The following EPM2A variants were observed in gnomAD, a reference collection of about 807,000 sequenced individuals.
EPM2A encodes the protein laforin.
EPM2A carries 21 observed loss-of-function variants against 26.5 expected under a neutral mutation model. That is an observed-to-expected ratio of 0.79 (90% CI 0.56 to 1.14). The LOEUF (loss-of-function observed/expected upper bound fraction) is 1.14, where lower values mean the gene tolerates loss of function less well. Among genes scored for constraint, EPM2A ranks in the 50% most tolerant of loss-of-function variants. The pLI is 0.00. For synonymous variants in EPM2A, 217 were observed against 177.6 expected, an observed-to-expected ratio of 1.22 and a Z score of -1.76; for missense variants, 458 against 440.8, an observed-to-expected ratio of 1.04 and a Z score of -0.35.
At chr6:145,554,679 G>T (rs1184968643) in intron 2 of EPM2A, among the ~76,000 whole-genome samples, 1 of 152,058 alleles carries the variant, frequency 6.6e-6, no homozygotes. Context: ...GCATCACAAG[G>T]TGAGAGAGGA....
chr6:145,542,472 C>T (rs1780526067), intron 2 of EPM2A, among the ~76,000 whole-genome samples: 1 of 152,320 alleles, frequency 6.6e-6, no homozygotes, highest in East Asian at 1.9e-4. Flanking sequence ...GCTTAAAAAA[C>T]ATATGCAGGT....
chr6:145,722,667 T>C (rs1259784138), intron 1 of EPM2A: 3 of 400,662 alleles, frequency 7.5e-6, no homozygotes, highest in Non-Finnish European at 1.5e-5. Flanking sequence ...AAAATTCATA[T>C]AAAAGTCCTA....
chr6:145,490,063 G>A lies in EPM2A; in HGVS notation c.555+12459C>T, dbSNP rs569063255. The stretch of plus-strand genomic sequence containing the variant: ...CAGTCACTTGTGCTGAATCCACCTG[G>A]ACCTGAAGCAATGGTAGCACACGCA... On this transcript the variant is annotated intron_variant, in intron 4 of 4. Transcript: ENST00000638717. 3.2e-4 allele frequency: 409 copies of A among 1,289,028 alleles called. 2 individuals carry two copies. The highest frequency in any genetic ancestry group is 4.0e-4 in the Non-Finnish European group (371 of 923,360). The allele number at this position is 1,289,028 out of a possible 1,614,324, so 79.8% of individuals were successfully genotyped here.
intron 4 of EPM2A, among the ~76,000 whole-genome samples, chr6:145,422,302 T>C (rs1446263373): frequency 3.4e-5 from 5 of 147,328 alleles, no homozygotes; most frequent in Non-Finnish European, 6.0e-5. Context: ...TGTATATAAA[T>C]ATATATATTT....
At chr6:145,735,056 G>A in intron 1 of EPM2A, 142 bp downstream of exon 1, 2 of 478,232 alleles carry the variant, frequency 4.2e-6, no homozygotes, top group African/African-American at 2.1e-5. Flanking sequence ...CAGGTCGCCC[G>A]GGGAGTGCGC....
At chr6:145,579,894 T>G (rs188789771) in intron 2 of EPM2A, among the ~76,000 whole-genome samples, 3 of 152,228 alleles carry the variant, frequency 2.0e-5, no homozygotes, top group Admixed American at 1.3e-4. Flanking sequence ...ATTAGTTATC[T>G]CTAACATATA....
At chr6:145,720,165 C>T (rs1382718816) in intron 1 of EPM2A, among the ~76,000 whole-genome samples, 6 of 152,120 alleles carry the variant, frequency 3.9e-5, no homozygotes, top group Non-Finnish European at 1.5e-5. Flanking sequence ...CAGATTCAAA[C>T]TTCTAACCAC....
chr6:145,684,640 A>G (rs576490811), intron 2 of EPM2A: 1 of 152,284 alleles, frequency 6.6e-6, no homozygotes, highest in South Asian at 2.1e-4. Flanking sequence ...CCAATTTTAT[A>G]TCTTTATTTC....
intron 4 of EPM2A, among the ~76,000 whole-genome samples, chr6:145,472,366 C>T (rs961872871): frequency 6.6e-6 from 1 of 151,764 alleles, no homozygotes; most frequent in African/African-American, 2.4e-5. Context: ...AAAACTCCTT[C>T]TCTCTGAGAC....
At chr6:145,604,041 G>A (rs1349703980) in intron 2 of EPM2A, among the ~76,000 whole-genome samples, 1 of 152,096 alleles carries the variant, frequency 6.6e-6, no homozygotes, top group African/African-American at 2.4e-5. Context: ...TACATTTGAA[G>A]ATGTGGGAAG....
intron 3 of EPM2A, chr6:145,628,125 T>G (rs1448543572): frequency 5.0e-5 from 11 of 219,948 alleles, no homozygotes; most frequent in African/African-American, 2.5e-4. Flanking sequence ...ATCTTCCAGC[T>G]AAATGTAAAA....
At chr6:145,525,592 A>C (rs1287294922) in intron 2 of EPM2A, among the ~76,000 whole-genome samples, 1 of 152,036 alleles carries the variant, frequency 6.6e-6, no homozygotes, top group Non-Finnish European at 1.5e-5. Context: ...TTTGGCTCTC[A>C]TCTTAAACAC....
chr6:145,732,556 C>T (rs1776553483), intron 1 of EPM2A, among the ~76,000 whole-genome samples: 1 of 151,982 alleles, frequency 6.6e-6, no homozygotes, highest in African/African-American at 2.4e-5. Context: ...TAAGCTAGGA[C>T]ATTGTGAGAA....
At chr6:145,518,657 G>C (rs409121) in intron 2 of EPM2A, among the ~76,000 whole-genome samples, 2 of 147,484 alleles carry the variant, frequency 1.4e-5, no homozygotes, top group Non-Finnish European at 3.0e-5. Flanking sequence ...TCTACTAATC[G>C]CTTTTTGTGA....
chr6:145,439,109 C>T (rs1779028665), intron 4 of EPM2A, among the ~76,000 whole-genome samples: 1 of 152,098 alleles, frequency 6.6e-6, no homozygotes. Flanking sequence ...TAATGGCTTC[C>T]AGTTCCATCC....
chr6:145,475,598 A>G (rs1779532571), intron 4 of EPM2A, among the ~76,000 whole-genome samples: 1 of 152,072 alleles, frequency 6.6e-6, no homozygotes, highest in South Asian at 2.1e-4. Flanking sequence ...AGTATCCCAG[A>G]ACTTAAAGTA....
At chr6:145,667,970 C>T (rs1240743950) in intron 2 of EPM2A, among the ~76,000 whole-genome samples, 1 of 144,084 alleles carries the variant, frequency 6.9e-6, no homozygotes, top group Non-Finnish European at 1.5e-5. Flanking sequence ...ACAATGAGAT[C>T]ACATGGACAC....
Position 145,608,125 on chromosome 6 carries a change from G to A in EPM2A, c.340+27120C>T, listed in dbSNP as rs577349579. 6.6e-4 allele frequency among the ~76,000 whole-genome samples: 100 copies of A among 152,322 alleles called. No homozygotes were observed. In the South Asian group the frequency reaches 9.9e-3, roughly 15 times the overall value. On this transcript the variant is annotated intron_variant, in intron 2 of 3. Coordinates refer to the EPM2A transcript ENST00000450221. ...ACACAAAAAGATATTTCGAGAGAGA[G>A]AGACCACATTCACATAACTTTTATT... is the stretch of plus-strand genomic sequence containing the variant.
chr6:145,473,045 G>T (rs894871449), intron 4 of EPM2A, among the ~76,000 whole-genome samples: 3 of 151,924 alleles, frequency 2.0e-5, no homozygotes, highest in African/African-American at 7.3e-5. Context: ...CCTACCAAAT[G>T]AATGAACCAA....
Sources: allele counts gnomAD v4.1 joint callset (sites outside exome capture counted in the v4.1 genomes callset), GRCh38; gene constraint gnomAD v4.1.1; transcripts MANE v1.5; gene names NCBI Gene and HGNC (gene_info 2026-07-23, HGNC 2026-07-21).